The following CEP128 variants were observed in gnomAD, a reference collection of about 807,000 sequenced individuals.
CEP128 encodes the protein centrosomal protein 128kDa.
A neutral mutation model predicts 156.7 loss-of-function variants in CEP128; 132 were observed. The ratio of observed to expected loss-of-function variants is 0.84; its 90% confidence interval spans 0.73 to 0.97. The LOEUF (loss-of-function observed/expected upper bound fraction) is 0.97, where lower values mean the gene tolerates loss of function less well. CEP128 is among the 50% of genes least tolerant of loss of function. The pLI, the probability that CEP128 is intolerant of heterozygous loss-of-function variation, is 0.00. For synonymous variants in CEP128, 469 were observed against 448.9 expected, an observed-to-expected ratio of 1.04 and a Z score of -0.57; for missense variants, 1,252 against 1,281.9, an observed-to-expected ratio of 0.98 and a Z score of 0.36.
intron 13 of CEP128, among the ~76,000 whole-genome samples, chr14:80,823,555 A>T (rs1885305372): frequency 6.6e-6 from 1 of 151,874 alleles, no homozygotes; most frequent in African/African-American, 2.4e-5. Flanking sequence ...CTGAAATACC[A>T]TGATTGTTTA....
intron 19 of CEP128, among the ~76,000 whole-genome samples, chr14:80,598,911 T>C (rs201459132): frequency 6.6e-6 from 1 of 152,158 alleles, no homozygotes; most frequent in African/African-American, 2.4e-5. Context: ...CTATAAAAAA[T>C]ATAAAAACAT....
intron 19 of CEP128, among the ~76,000 whole-genome samples, chr14:80,656,299 A>T (rs866599959): frequency 0.028 from 217 of 7,732 alleles, 16 homozygotes; most frequent in African/African-American, 0.12. Context: ...ATTTATATAT[A>T]TATATATATA....
chr14:80,488,447 C>G (rs1247933520), downstream of CEP128, among the ~76,000 whole-genome samples: 1 of 150,926 alleles, frequency 6.6e-6, no homozygotes, highest in African/African-American at 2.4e-5. Context: ...CCATCTCACA[C>G]CAGTTAGAAT....
chr14:80,580,264 C>G, intron 20 of CEP128, 110 bp downstream of exon 20: 1 of 659,000 alleles, frequency 1.5e-6, no homozygotes, highest in South Asian at 2.4e-5. Context: ...CTGACATTGT[C>G]CTTGTCACCC....
chr14:80,679,889 A>G (rs1896245847), intron 19 of CEP128, among the ~76,000 whole-genome samples: 1 of 152,146 alleles, frequency 6.6e-6, no homozygotes, highest in Non-Finnish European at 1.5e-5. Flanking sequence ...CCAGCTGTAA[A>G]ATTCATCTCT....
At chr14:80,824,102 C>G (rs1053277496) in intron 13 of CEP128, among the ~76,000 whole-genome samples, 1 of 152,256 alleles carries the variant, frequency 6.6e-6, no homozygotes, top group Non-Finnish European at 1.5e-5. Context: ...GGCTTGCACC[C>G]TCTAAAGCCA....
At chr14:80,573,243 T>TAA (rs1891223091) in intron 20 of CEP128, among the ~76,000 whole-genome samples, 3 of 152,128 alleles carry the variant, frequency 2.0e-5, no homozygotes. Context: ...TACTAACTTT[T>TAA]TAAATAAACT....
intron 21 of CEP128, among the ~76,000 whole-genome samples, chr14:80,556,102 C>A (rs1891345793): frequency 6.6e-6 from 1 of 152,094 alleles, no homozygotes; most frequent in South Asian, 2.1e-4. Flanking sequence ...GGCTCTCAAT[C>A]AAAGTTTTTT....
chr14:80,926,322 G>A (rs754837377), intron 2 of CEP128, among the ~76,000 whole-genome samples: 2 of 152,148 alleles, frequency 1.3e-5, no homozygotes, highest in Non-Finnish European at 2.9e-5. Flanking sequence ...ACAACACTGT[G>A]GGTATGAGAC....
At chr14:80,617,219 CTTTTTTTTTTTTTTT>C (rs3069115) in intron 19 of CEP128, among the ~76,000 whole-genome samples, 5 of 60,216 alleles carry the variant, frequency 8.3e-5, no homozygotes, top group Admixed American at 2.9e-4. Context: ...TGAATATCAT[CTTTTTTTTTTTTTTT>C]TTTTTTTTTT....
chr14:80,592,699 A>G (rs527665729), intron 19 of CEP128, among the ~76,000 whole-genome samples: 188 of 152,362 alleles, frequency 1.2e-3, no homozygotes, highest in Admixed American at 2.0e-3. Context: ...ACAACAAAAA[A>G]AGAAAATTTC....
At chr14:80,675,317 G>C (rs1023942213) in intron 19 of CEP128, among the ~76,000 whole-genome samples, 1 of 151,996 alleles carries the variant, frequency 6.6e-6, no homozygotes, top group African/African-American at 2.4e-5. Flanking sequence ...GGGTAAAAAC[G>C]TAAAAGTAGT....
chr14:80,761,687 C>T lies in CEP128; in HGVS notation c.2377-74G>A, dbSNP rs536341934. The T allele has an allele frequency of 5.6e-6, 6 of 1,063,252 alleles. 1 individual carries two copies. In the African/African-American group the frequency reaches 9.4e-5, roughly 17 times the overall value. 65.9% of individuals were successfully genotyped at this position (1,063,252 alleles called of 1,614,324 possible). ...CAAGAAAATACTTGTAATATCTGTT[C>T]AACCAACTAGAAGTGGATTTGAAAA... On this transcript the variant is annotated intron_variant, in intron 16 of 24. Transcript: ENST00000555265.
chr14:80,668,011 G>T (rs1263725127), intron 19 of CEP128, among the ~76,000 whole-genome samples: 3 of 152,116 alleles, frequency 2.0e-5, no homozygotes, highest in Non-Finnish European at 4.4e-5. Context: ...TGATGATGGT[G>T]TCATTCCTGA....
chr14:80,636,485 G>C (rs563224780), intron 19 of CEP128, among the ~76,000 whole-genome samples: 2 of 151,984 alleles, frequency 1.3e-5, no homozygotes, highest in East Asian at 3.9e-4. Flanking sequence ...TTGCCTCCAG[G>C]CTTTGCAGAA....
chr14:80,932,505 C>A (rs375080169), intron 2 of CEP128, among the ~76,000 whole-genome samples: 1 of 152,160 alleles, frequency 6.6e-6, no homozygotes, highest in African/African-American at 2.4e-5. Context: ...CACCAAAAAG[C>A]CTGCTTCCAT....
At chr14:80,829,060 AG>A (rs1169992303) in intron 13 of CEP128, among the ~76,000 whole-genome samples, 3 of 152,220 alleles carry the variant, frequency 2.0e-5, no homozygotes, top group Admixed American at 2.0e-4. Context: ...CATGACTTTG[AG>A]AACAGCTTGG....
At position 80,580,463 on chromosome 14, in the gene CEP128, A is replaced by G. The variant is rs190406314; in HGVS notation, c.2807-40T>C. ...TAAAATACCCATCAAAATACAATGT[A>G]AAAACGAGTTGCCTCTTATCATCAA... On this transcript the variant is annotated intron_variant, in intron 19 of 24. Transcript: ENST00000555265. 1,421 of 1,270,538 alleles carry G rather than the reference A, an allele frequency of 1.1e-3. 12 individuals are homozygous for G. In the Middle Eastern group the frequency reaches 0.023, roughly 21 times the overall value. The allele number at this position is 1,270,538 out of a possible 1,614,324, so 78.7% of individuals were successfully genotyped here.
intron 13 of CEP128, among the ~76,000 whole-genome samples, chr14:80,817,343 A>G (rs1884919686): frequency 6.6e-6 from 1 of 152,244 alleles, no homozygotes; most frequent in South Asian, 2.1e-4. Context: ...AGGAAATAGG[A>G]AAGTGTGACT....
Sources: allele counts gnomAD v4.1 joint callset (sites outside exome capture counted in the v4.1 genomes callset), GRCh38; gene constraint gnomAD v4.1.1; transcripts MANE v1.5; gene names NCBI Gene and HGNC (gene_info 2026-07-23, HGNC 2026-07-21).